C8orf34: variants seen among roughly 807,000 people sequenced by gnomAD.
C8orf34 encodes the protein chromosome 8 open reading frame 34, also known as uncharacterized protein C8orf34.
C8orf34 carries 65 observed loss-of-function variants against 68.3 expected under a neutral mutation model. That is an observed-to-expected ratio of 0.95 (90% CI 0.78 to 1.17). The LOEUF is 1.17. C8orf34 is among the 50% of genes most tolerant of loss of function. The pLI is 0.00. For synonymous variants in C8orf34, 244 were observed against 241.2 expected (o/e 1.01, Z -0.11); for missense variants, 664 against 655.4 (o/e 1.01, Z -0.14).
chr8:68,405,958 G>A (rs2129621599), intron 1 of C8orf34, among the ~76,000 whole-genome samples: 1 of 152,264 alleles, frequency 6.6e-6, no homozygotes, highest in Non-Finnish European at 1.5e-5. Flanking sequence ...TGCTATTAGA[G>A]GAAGAAAACA....
chr8:68,361,530 G>A (rs182857159), intron 1 of C8orf34, among the ~76,000 whole-genome samples: 6 of 152,244 alleles, frequency 3.9e-5, no homozygotes, highest in East Asian at 1.9e-4. Flanking sequence ...TCCAACTATC[G>A]CTCATTAGGG....
intron 8 of C8orf34, among the ~76,000 whole-genome samples, chr8:68,691,732 A>C (rs1459751472): frequency 6.6e-6 from 1 of 152,052 alleles, no homozygotes; most frequent in Non-Finnish European, 1.5e-5. Flanking sequence ...CATGAGCATT[A>C]GCTTATCAAA....
At chr8:68,680,647 G>C (rs1420690416) in intron 8 of C8orf34, among the ~76,000 whole-genome samples, 8 of 152,072 alleles carry the variant, frequency 5.3e-5, no homozygotes, top group Non-Finnish European at 1.2e-4. Flanking sequence ...ACAGGACAAA[G>C]GGAAAAAGCA....
intron 7 of C8orf34, among the ~76,000 whole-genome samples, chr8:68,623,465 C>T (rs998889914): frequency 6.6e-6 from 1 of 152,058 alleles, no homozygotes; most frequent in Admixed American, 6.6e-5. Context: ...CCAATGTTCC[C>T]TTGTTTTAAG....
At chr8:68,544,736 A>G (rs1197973343) in intron 7 of C8orf34, among the ~76,000 whole-genome samples, 2 of 152,176 alleles carry the variant, frequency 1.3e-5, no homozygotes, top group East Asian at 1.9e-4. Context: ...TCTAGAATTG[A>G]AAAGTTTAGT....
chr8:68,632,485 A>T (rs1818719555), intron 7 of C8orf34, among the ~76,000 whole-genome samples: 1 of 152,224 alleles, frequency 6.6e-6, no homozygotes, highest in African/African-American at 2.4e-5. Context: ...AGTAAAAAAG[A>T]AAAACCTATC....
chr8:68,735,605 A>G (rs950902095), intron 10 of C8orf34, among the ~76,000 whole-genome samples: 1 of 90,088 alleles, frequency 1.1e-5, no homozygotes. Flanking sequence ...TTCAAGACTC[A>G]TAAAATTGAT....
intron 9 of C8orf34, among the ~76,000 whole-genome samples, chr8:68,714,347 G>A (rs1411727122): frequency 1.3e-5 from 2 of 152,132 alleles, no homozygotes; most frequent in Non-Finnish European, 2.9e-5. Flanking sequence ...GTCACTGTTT[G>A]CTGATGATAT....
intron 6 of C8orf34, among the ~76,000 whole-genome samples, chr8:68,524,022 G>A (rs1028989158): frequency 1.3e-5 from 2 of 152,136 alleles, no homozygotes; most frequent in Non-Finnish European, 2.9e-5. Context: ...CTAGGCATCT[G>A]CTAAATAAAG....
At chr8:68,708,639 T>G (rs983674041) in intron 8 of C8orf34, among the ~76,000 whole-genome samples, 1 of 152,182 alleles carries the variant, frequency 6.6e-6, no homozygotes, top group Non-Finnish European at 1.5e-5. Flanking sequence ...GACCCTGATG[T>G]TAGGTGAGCA....
intron 12 of C8orf34, among the ~76,000 whole-genome samples, chr8:68,805,907 T>G (rs1346955615): frequency 1.3e-5 from 2 of 152,090 alleles, no homozygotes; most frequent in African/African-American, 2.4e-5. Context: ...CTATATTATG[T>G]TTTCATTTTC....
chr8:68,331,011 G>C lies in C8orf34; in HGVS notation c.-2G>C. 2 of 1,420,386 alleles carry C rather than the reference G, an allele frequency of 1.4e-6. No homozygotes were observed. The highest frequency in any genetic ancestry group is 3.0e-5 in the South Asian group (2 of 66,664). 88.0% of individuals were successfully genotyped at this position (1,420,386 alleles called of 1,614,324 possible). On this transcript the variant is annotated 5_prime_UTR_variant, in exon 1 of 14. It removes an upstream start codon present in the reference 5' UTR. Coordinates refer to ENST00000518698, the MANE Select transcript of C8orf34 (RefSeq NM_052958.4). ...GTGGGCGCGAGGCGGAGAACGCGAT[G>C]AATGAGTTCTCCCCTCGCCTCGGAG...
chr8:68,789,181 TA>T (rs950354432), intron 12 of C8orf34, among the ~76,000 whole-genome samples: 22 of 151,992 alleles, frequency 1.4e-4, no homozygotes, highest in Admixed American at 4.6e-4. Context: ...AATTTCATGT[TA>T]AAAAAAACCT....
At chr8:68,758,496 C>T (rs1236234212) in intron 10 of C8orf34, among the ~76,000 whole-genome samples, 1 of 152,150 alleles carries the variant, frequency 6.6e-6, no homozygotes, top group East Asian at 1.9e-4. Context: ...AAAATATCCT[C>T]TCTAGAAACA....
intron 1 of C8orf34, among the ~76,000 whole-genome samples, chr8:68,405,317 T>G (rs1413579351): frequency 6.6e-6 from 1 of 152,174 alleles, no homozygotes; most frequent in South Asian, 2.1e-4. Flanking sequence ...CCTCAAATGC[T>G]AAGAGTTTGG....
intron 5 of C8orf34, among the ~76,000 whole-genome samples, chr8:68,505,757 A>AT (rs1264860691): frequency 6.6e-6 from 1 of 151,622 alleles, no homozygotes; most frequent in East Asian, 1.9e-4. Flanking sequence ...AAAAAAAAAA[A>AT]GAATGAGCAA....
At chr8:68,497,207 A>G (rs4330678) in intron 5 of C8orf34, among the ~76,000 whole-genome samples, 58,563 of 152,078 alleles carry the variant, frequency 0.39, 11,594 homozygotes, top group African/African-American at 0.44. Flanking sequence ...TATAAGCCAT[A>G]TAAATTCCAA....
intron 1 of C8orf34, among the ~76,000 whole-genome samples, chr8:68,395,171 GCAA>G (rs1312799030): frequency 6.6e-6 from 1 of 151,958 alleles, no homozygotes; most frequent in East Asian, 1.9e-4. Context: ...TCCCTAGTGA[GCAA>G]CTTTGACATG....
At chr8:68,672,640 C>T (rs1391069340) in intron 8 of C8orf34, among the ~76,000 whole-genome samples, 1 of 152,152 alleles carries the variant, frequency 6.6e-6, no homozygotes, top group Non-Finnish European at 1.5e-5. Context: ...AGCCTTGCCT[C>T]CATGGGCTAA....
Sources: allele counts gnomAD v4.1 joint callset (sites outside exome capture counted in the v4.1 genomes callset), GRCh38; gene constraint gnomAD v4.1.1; transcripts MANE v1.5; gene names NCBI Gene and HGNC (gene_info 2026-07-23, HGNC 2026-07-21).